KIF16B: variants seen among roughly 807,000 people sequenced by gnomAD.
The protein encoded by KIF16B is kinesin family member 16B, also known as kinesin-like protein KIF16B.
Under a neutral mutation model 156.3 loss-of-function variants are expected in KIF16B, and 98 were observed. The ratio of observed to expected loss-of-function variants is 0.63; its 90% CI spans 0.53 to 0.74. The LOEUF is 0.74. Among genes scored for constraint, KIF16B ranks in the 30% least tolerant of loss-of-function variants. The pLI, the probability that KIF16B is intolerant of heterozygous loss-of-function variation, is 0.00. For synonymous variants in KIF16B, 564 were observed against 583.7 expected (o/e 0.97, Z 0.49); for missense variants, 1,421 against 1,606.5 (o/e 0.88, Z 1.97).
At chr20:16,447,810 T>C (rs2066974553) in intron 12 of KIF16B, among the ~76,000 whole-genome samples, 1 of 152,086 alleles carries the variant, frequency 6.6e-6, no homozygotes, top group Admixed American at 6.6e-5. Context: ...GTTTTATCGA[T>C]AAAACCATTG....
intron 24 of KIF16B, among the ~76,000 whole-genome samples, chr20:16,319,844 C>G (rs1441190395): frequency 1.3e-5 from 2 of 152,110 alleles, no homozygotes; most frequent in East Asian, 3.9e-4. Context: ...AAAAAGTAAC[C>G]ATTTTTAAAT....
chr20:16,427,407 G>C (rs1389923158), intron 14 of KIF16B, among the ~76,000 whole-genome samples, 166 bp from the exon 15 acceptor site: 1 of 152,030 alleles, frequency 6.6e-6, no homozygotes, highest in Non-Finnish European at 1.5e-5. Flanking sequence ...CGAACTTCAG[G>C]AGCTCATGAC....
intron 12 of KIF16B, among the ~76,000 whole-genome samples, chr20:16,444,490 A>G (rs138499120): frequency 2.0e-5 from 3 of 152,350 alleles, no homozygotes; most frequent in African/African-American, 7.2e-5. Context: ...TCATTTACAA[A>G]TTGCCTGCTG....
chr20:16,443,459 C>T (rs1227496230), intron 12 of KIF16B, among the ~76,000 whole-genome samples: 1 of 152,214 alleles, frequency 6.6e-6, no homozygotes, highest in African/African-American at 2.4e-5. Flanking sequence ...CAAGTCCTGT[C>T]TCATCCCGTC....
At chr20:16,299,842 G>C (rs2063445675) in intron 25 of KIF16B, among the ~76,000 whole-genome samples, 1 of 152,108 alleles carries the variant, frequency 6.6e-6, no homozygotes, top group Non-Finnish European at 1.5e-5. Flanking sequence ...ACCTTTATTA[G>C]ATTTCTTAAG....
chr20:16,288,867 T>A (rs908854342), intron 25 of KIF16B, among the ~76,000 whole-genome samples: 2 of 152,052 alleles, frequency 1.3e-5, no homozygotes, highest in African/African-American at 4.8e-5. Flanking sequence ...GTATGGTATG[T>A]ACCTTAGTAA....
At chr20:16,424,225 C>G (rs1380894777) in intron 15 of KIF16B, among the ~76,000 whole-genome samples, 1 of 152,084 alleles carries the variant, frequency 6.6e-6, no homozygotes, top group Non-Finnish European at 1.5e-5. Context: ...ATTTCCCCTG[C>G]TCAACTTACC....
intron 4 of KIF16B, among the ~76,000 whole-genome samples, chr20:16,513,258 A>G (rs1332099158): frequency 2.6e-5 from 4 of 152,342 alleles, no homozygotes; most frequent in African/African-American, 9.6e-5. Flanking sequence ...TGCTCAAATG[A>G]ACAAGGTAGG....
intron 17 of KIF16B, among the ~76,000 whole-genome samples, chr20:16,386,995 G>A (rs2065245133): frequency 6.6e-6 from 1 of 152,140 alleles, no homozygotes; most frequent in Admixed American, 6.5e-5. Flanking sequence ...GGCAAAAGGG[G>A]AGTTTTTTCA....
intron 1 of KIF16B, among the ~76,000 whole-genome samples, chr20:16,565,259 T>C (rs1470373305): frequency 1.3e-5 from 2 of 152,182 alleles, no homozygotes; most frequent in East Asian, 1.9e-4. Context: ...ATAGTTACCA[T>C]GTTAGAAATT....
At chr20:16,419,925 G>A (rs990436192) in intron 15 of KIF16B, among the ~76,000 whole-genome samples, 5 of 152,098 alleles carry the variant, frequency 3.3e-5, no homozygotes, top group Non-Finnish European at 7.4e-5. Context: ...AAGTTTTATG[G>A]ACTAGTATTA....
intron 12 of KIF16B, among the ~76,000 whole-genome samples, chr20:16,492,643 G>A (rs111525018): frequency 4.6e-4 from 70 of 152,108 alleles, no homozygotes; most frequent in African/African-American, 1.6e-3. Flanking sequence ...CATAGTTCTC[G>A]GTGTGGATAC....
intron 25 of KIF16B, among the ~76,000 whole-genome samples, chr20:16,287,114 A>AT (rs2063234296): frequency 6.6e-6 from 1 of 152,264 alleles, no homozygotes; most frequent in African/African-American, 2.4e-5. Flanking sequence ...AGTTCATTAT[A>AT]CAATGATAGA....
intron 25 of KIF16B, among the ~76,000 whole-genome samples, chr20:16,307,549 G>T (rs1277347483): frequency 6.6e-6 from 1 of 152,184 alleles, no homozygotes; most frequent in African/African-American, 2.4e-5. Flanking sequence ...TCTTAGAGAA[G>T]TAGAGGTGAG....
chr20:16,373,104 T>C (rs1455186309), intron 20 of KIF16B, among the ~76,000 whole-genome samples: 1 of 152,246 alleles, frequency 6.6e-6, no homozygotes, highest in African/African-American at 2.4e-5. Context: ...CAATCATTTC[T>C]ATACTACTGA....
At chr20:16,364,958 C>A (rs1417194666) in intron 22 of KIF16B, among the ~76,000 whole-genome samples, 1 of 152,186 alleles carries the variant, frequency 6.6e-6, no homozygotes, top group Non-Finnish European at 1.5e-5. Flanking sequence ...TGTACCTGTG[C>A]GAATAAGCAC....
Position 16,304,257 on chromosome 20 carries a change from T to C in KIF16B, c.3795+8078A>G, listed in dbSNP as rs59481190. On this transcript the variant is annotated intron_variant, in intron 25 of 25. Transcript: ENST00000354981. ...TGCTCATGAAAACCAAAGTGAGATTTTTCCCACATACCCTCCAATTGGAGA... is the reference window on the plus strand; with the variant it reads ...TGCTCATGAAAACCAAAGTGAGATTCTTCCCACATACCCTCCAATTGGAGA... Among the ~76,000 whole-genome samples, 597 of 152,344 alleles carry C rather than the reference T, an allele frequency of 3.9e-3. 6 individuals carry two copies. The highest frequency in any genetic ancestry group is 0.014 in the Middle Eastern group (4 of 292).
intron 1 of KIF16B, among the ~76,000 whole-genome samples, chr20:16,566,327 A>G (rs1039939619): frequency 6.6e-6 from 1 of 152,220 alleles, no homozygotes; most frequent in African/African-American, 2.4e-5. Flanking sequence ...TGGTGGCAGG[A>G]AAGTCAGGGA....
At chr20:16,507,932 C>T (rs1310636798) in intron 7 of KIF16B, 26 bp downstream of exon 7, 2 of 1,613,304 alleles carry the variant, frequency 1.2e-6, no homozygotes, top group Non-Finnish European at 1.7e-6. Flanking sequence ...AGGGATGGAG[C>T]CAGCTGGTCC....
Sources: gnomAD v4.1 joint callset for allele counts (sites outside exome capture counted in the v4.1 genomes callset) on GRCh38, gnomAD v4.1.1 for gene constraint, MANE v1.5 for transcripts, NCBI Gene and HGNC (gene_info 2026-07-23, HGNC 2026-07-21) for gene names.